Variants in PLPP1 observed in about 807,000 individuals in gnomAD.
PLPP1 encodes the protein phospholipid phosphatase 1, also known as lipid phosphate phosphohydrolase 1a.
Under a neutral mutation model 31.2 loss-of-function variants are expected in PLPP1, and 24 were observed. The observed-to-expected ratio is 0.77, with a 90% CI of 0.56 to 1.08. The LOEUF is 1.08. Among genes scored for constraint, PLPP1 ranks in the 50% least tolerant of loss-of-function variants. PLPP1 has a pLI of 0.00. For missense variants in PLPP1, 319 were observed against 342.7 expected (o/e 0.93, Z 0.55); for synonymous variants, 146 against 126.3 (o/e 1.16, Z -1.05).
chr5:55,512,082 T>C (rs1201881624), intron 1 of PLPP1, among the ~76,000 whole-genome samples: 2 of 151,288 alleles, frequency 1.3e-5, no homozygotes, highest in Non-Finnish European at 2.9e-5. Flanking sequence ...TGAGCCAAGA[T>C]AGCGCCATTG....
intron 4 of PLPP1, among the ~76,000 whole-genome samples, chr5:55,439,641 G>A (rs1300462227): frequency 6.6e-6 from 1 of 152,158 alleles, no homozygotes; most frequent in African/African-American, 2.4e-5. Context: ...CACTGAGCAG[G>A]CCTGCCACTG....
intron 2 of PLPP1, among the ~76,000 whole-genome samples, chr5:55,474,779 T>C (rs1293727984): frequency 6.6e-6 from 1 of 152,226 alleles, no homozygotes; most frequent in Non-Finnish European, 1.5e-5. Flanking sequence ...TGATATCCTA[T>C]GTATAAAGTA....
intron 3 of PLPP1, among the ~76,000 whole-genome samples, chr5:55,465,074 C>CG (rs1752258744): frequency 8.8e-5 from 13 of 147,958 alleles, no homozygotes; most frequent in Admixed American, 7.5e-4. Flanking sequence ...GACAGAGTCT[C>CG]ATCCTGTTAC....
intron 1 of PLPP1, among the ~76,000 whole-genome samples, chr5:55,502,365 T>C (rs1376109847): frequency 6.6e-6 from 1 of 152,000 alleles, no homozygotes; most frequent in East Asian, 1.9e-4. Flanking sequence ...CGCACACCTG[T>C]AGTCCCAGCT....
At chr5:55,532,521 A>G (rs1740706362) in intron 1 of PLPP1, among the ~76,000 whole-genome samples, 1 of 152,240 alleles carries the variant, frequency 6.6e-6, no homozygotes, top group Admixed American at 6.5e-5. Flanking sequence ...ACAAAGTTTA[A>G]CAAAGTTCCA....
Position 55,488,742 on chromosome 5 carries a change from GGTA to G in PLPP1, c.59-13295_59-13293del, listed in dbSNP as rs774869674. ...AAAATGCTACCAGTAGTTGTCTTCA[GGTA>G]GTAGAACTAAGGGCTATTTATTTTC... On this transcript the variant is annotated intron_variant, in intron 1 of 5. Transcript: ENST00000307259. Among the ~76,000 whole-genome samples, 18 of 152,306 alleles carry G rather than the reference GGTA, an allele frequency of 1.2e-4. No homozygotes were observed. The East Asian group carries it at 1.3e-3, about 11-fold the overall frequency.
At chr5:55,504,524 CAAAAAAA>C (rs70995703) in intron 1 of PLPP1, among the ~76,000 whole-genome samples, 2 of 54,282 alleles carry the variant, frequency 3.7e-5, no homozygotes, top group Non-Finnish European at 6.4e-5. Context: ...GACTCCATCT[CAAAAAAA>C]AAAAAAAAAA....
At chr5:55,493,187 T>C (rs573969427) in intron 1 of PLPP1, among the ~76,000 whole-genome samples, 50 of 152,104 alleles carry the variant, frequency 3.3e-4, no homozygotes, top group Non-Finnish European at 7.1e-4. Context: ...TGGTGGCATG[T>C]GCCTGTAGTC....
intron 2 of PLPP1, 107 bp downstream of exon 2, chr5:55,475,192 A>G: frequency 3.9e-6 from 4 of 1,021,678 alleles, no homozygotes; most frequent in Non-Finnish European, 4.1e-6. Context: ...AGGTTTAAAA[A>G]GCATACATTG....
chr5:55,520,299 C>T (rs1753636945), intron 1 of PLPP1, among the ~76,000 whole-genome samples: 2 of 152,214 alleles, frequency 1.3e-5, no homozygotes. Context: ...GCACCAGGAA[C>T]TGAAATACAA....
At chr5:55,484,266 C>A (rs1273768447) in intron 1 of PLPP1, 1 of 152,190 alleles carries the variant, frequency 6.6e-6, no homozygotes, top group African/African-American at 2.4e-5. Flanking sequence ...GATGTCTCCT[C>A]TTCGTGATTT....
chr5:55,530,963 A>G (rs1740648163), intron 1 of PLPP1, among the ~76,000 whole-genome samples: 1 of 152,184 alleles, frequency 6.6e-6, no homozygotes, highest in South Asian at 2.1e-4. Context: ...GGTGACGGTG[A>G]CGGCCCGGGG....
At chr5:55,451,532 C>A (rs973771786) in intron 3 of PLPP1, among the ~76,000 whole-genome samples, 1 of 151,918 alleles carries the variant, frequency 6.6e-6, no homozygotes, top group Non-Finnish European at 1.5e-5. Flanking sequence ...TAACACAGTG[C>A]CACAATAATT....
intron 1 of PLPP1, among the ~76,000 whole-genome samples, chr5:55,512,081 A>G (rs1753427365): frequency 6.6e-6 from 1 of 151,846 alleles, no homozygotes; most frequent in African/African-American, 2.4e-5. Flanking sequence ...GTGAGCCAAG[A>G]TAGCGCCATT....
intron 1 of PLPP1, among the ~76,000 whole-genome samples, chr5:55,533,930 G>C (rs190956126): frequency 6.6e-6 from 1 of 152,200 alleles, no homozygotes; most frequent in Admixed American, 6.5e-5. Context: ...TTGAGACACT[G>C]TCACAAGAGA....
chr5:55,453,946 A>G (rs1249327726), intron 3 of PLPP1, among the ~76,000 whole-genome samples: 4 of 152,178 alleles, frequency 2.6e-5, no homozygotes, highest in Non-Finnish European at 5.9e-5. Context: ...GTCTCAAAAA[A>G]AAAGAAAATT....
intron 1 of PLPP1, among the ~76,000 whole-genome samples, chr5:55,503,674 C>T (rs1753193978): frequency 6.6e-6 from 1 of 150,742 alleles, no homozygotes. Context: ...CCCAGCTACT[C>T]AGGAGGCTGA....
chr5:55,527,668 G>A (rs1260076457), intron 1 of PLPP1, among the ~76,000 whole-genome samples: 2 of 152,188 alleles, frequency 1.3e-5, no homozygotes, highest in Non-Finnish European at 2.9e-5. Context: ...AAAGGTACAG[G>A]CAGGGTTTAG....
rs1579910154 is a variant in PLPP1 at position 55,425,162 on chromosome 5, C to A, written c.*44G>T. The A allele has an allele frequency of 1.3e-6, 2 of 1,585,284 alleles. No individual in the cohort carries two copies. Among genetic ancestry groups the A allele is most frequent in the African/African-American group, 2.7e-5 (2 of 73,028 alleles). On this transcript the variant is annotated 3_prime_UTR_variant, in exon 6 of 6. Transcript: ENST00000307259. ...CCTCTTGCCTTGTGGCAATCATTTT[C>A]CTTTAGAAAACAGGCCAGCTTCACC...
Sources: gnomAD v4.1 joint callset for allele counts (sites outside exome capture counted in the v4.1 genomes callset) on GRCh38, gnomAD v4.1.1 for gene constraint, MANE v1.5 for transcripts, NCBI Gene and HGNC (gene_info 2026-07-23, HGNC 2026-07-21) for gene names.